NCOA5: variants seen among roughly 807,000 people sequenced by gnomAD.
NCOA5 encodes NCoA-5.
NCOA5 carries 12 observed loss-of-function variants against 59.0 expected under a neutral mutation model. The observed-to-expected ratio is 0.20, with a 90% CI of 0.13 to 0.33. The LOEUF (loss-of-function observed/expected upper bound fraction) is 0.33, where lower values mean the gene tolerates loss of function less well. Ranked by LOEUF, NCOA5 falls within the 10% of genes least tolerant of loss-of-function variation. The pLI is 1.00. For missense variants in NCOA5, 655 were observed against 766.6 expected, an observed-to-expected ratio of 0.85 and a Z score of 1.72; for synonymous variants, 270 against 275.5, an observed-to-expected ratio of 0.98 and a Z score of 0.20.
Position 46,070,352 on chromosome 20 carries a change from T to C in NCOA5, c.223A>G (p.Ser75Gly), listed in dbSNP as rs111437221. 8 of 1,613,796 alleles carry C rather than the reference T, an allele frequency of 5.0e-6. No individual in the cohort carries two copies. The highest frequency in any genetic ancestry group is 6.8e-6 in the Non-Finnish European group (8 of 1,179,984). ...HSRDLRDHRDSRSVRDVRDVR... is the reference protein window; with the variant it reads ...HSRDLRDHRDGRSVRDVRDVR... Reference sequence around the variant, plus strand: ...TCCCGAACGTCGCGCACACTCCTGCTGTCTCTGTGATCCCGCAAATCTCTA... The same window carrying C: ...TCCCGAACGTCGCGCACACTCCTGCCGTCTCTGTGATCCCGCAAATCTCTA... The change falls in exon 3 of 8, where the codon AGC (serine) becomes GGC (glycine). Residue 75 changes from serine to glycine, a missense_variant. Transcript: ENST00000290231.
chr20:46,062,135 A>G lies in NCOA5; in HGVS notation c.*165T>C, dbSNP rs567405728. 3 of 591,478 alleles carry G rather than the reference A, an allele frequency of 5.1e-6. No individual in the cohort carries two copies. In the South Asian group the frequency reaches 7.1e-5, roughly 14 times the overall value. The allele number at this position is 591,478 out of a possible 1,614,324, so 36.6% of individuals were successfully genotyped here. Reference sequence around the variant, plus strand: ...ATGCAGTATAAACTTTGTAAGGAATAAGCAACACAGCCTTGGGCAGAAGAG... The same window carrying G: ...ATGCAGTATAAACTTTGTAAGGAATGAGCAACACAGCCTTGGGCAGAAGAG... On this transcript the variant is annotated 3_prime_UTR_variant, in exon 8 of 8. Transcript: ENST00000290231.
Position 46,069,660 on chromosome 20 carries a change from G to A in NCOA5, c.365+550C>T, listed in dbSNP as rs907960972. Among the ~76,000 whole-genome samples, 7 of 152,166 alleles carry A rather than the reference G, an allele frequency of 4.6e-5. No homozygotes were observed. The East Asian group carries it at 5.8e-4, about 13-fold the overall frequency. ...GTGGGAGAAGTACTTAAGCCTGGGAGGTCAAGGCTGCAGTGAGCTGTGATC... is the reference window on the plus strand; with the variant it reads ...GTGGGAGAAGTACTTAAGCCTGGGAAGTCAAGGCTGCAGTGAGCTGTGATC... On this transcript the variant is annotated intron_variant, in intron 3 of 7. Transcript: ENST00000290231.
chr20:46,081,221 A>G (rs896600805), intron 1 of NCOA5, among the ~76,000 whole-genome samples: 1 of 152,142 alleles, frequency 6.6e-6, no homozygotes, highest in Non-Finnish European at 1.5e-5. Flanking sequence ...AAGGAAACTC[A>G]CATCTAAACA....
intron 7 of NCOA5, 83 bp downstream of exon 7, chr20:46,063,277 G>A: frequency 7.0e-7 from 1 of 1,435,900 alleles, no homozygotes; most frequent in Non-Finnish European, 9.4e-7. Flanking sequence ...AAAGAGCCCT[G>A]GGCCTGACAC....
At chr20:46,084,156 A>G (rs963195848) in intron 1 of NCOA5, among the ~76,000 whole-genome samples, 2 of 152,170 alleles carry the variant, frequency 1.3e-5, no homozygotes, top group Non-Finnish European at 2.9e-5. Flanking sequence ...ATCCTTTTAC[A>G]ACTCTTGGAA....
rs747094046 is a variant in NCOA5, at chr20:46,062,294, T to G, written c.*6A>C. ...AGGGGACTGGGGAGAGTTGAAAGAT[T>G]TAGCTTCAGTAATGCCTCTGGTAAG... On this transcript the variant is annotated 3_prime_UTR_variant, in exon 8 of 8. Coordinates refer to ENST00000290231, the MANE Select transcript of NCOA5 (RefSeq NM_020967.3). The G allele has an allele frequency of 6.2e-6, 10 of 1,607,312 alleles. No individual in the cohort carries two copies. In the East Asian group the frequency reaches 2.2e-4, roughly 36 times the overall value.
At position 46,076,616 on chromosome 20, in the gene NCOA5, G is replaced by A. The variant is rs546983364; in HGVS notation, c.38+2771C>T. On this transcript the variant is annotated intron_variant, in intron 2 of 7. Coordinates refer to ENST00000290231, the MANE Select transcript of NCOA5 (RefSeq NM_020967.3). Reference sequence around the variant, plus strand: ...ACTGGGACTCTTAGTTCGGTTTTTAGATGGGGTTACTAATGGTGACCATCA... The same window carrying A: ...ACTGGGACTCTTAGTTCGGTTTTTAAATGGGGTTACTAATGGTGACCATCA... 9.1e-4 allele frequency among the ~76,000 whole-genome samples: 137 copies of A among 150,696 alleles called. 1 individual carries two copies. In the East Asian group the frequency reaches 9.6e-3, roughly 11 times the overall value.
Position 46,062,388 on chromosome 20 carries a change from C to T in NCOA5, c.1652G>A (p.Gly551Asp), listed in dbSNP as rs898125667. 2 of 1,614,024 alleles carry T rather than the reference C, an allele frequency of 1.2e-6. No homozygotes were observed. Among genetic ancestry groups the T allele is most frequent in the Non-Finnish European group, 1.7e-6 (2 of 1,180,026 alleles). Residue 551 changes from glycine (G) to aspartate (D), a missense_variant, in exon 8 of 8, where the codon GGC becomes GAC. Transcript: ENST00000290231. ...QKALDTLIQSGPALSHLVSQT... is the reference protein window; with the variant it reads ...QKALDTLIQSDPALSHLVSQT... Reference sequence around the variant, plus strand: ...GCTAACCAGGTGGGAGAGAGCAGGGCCACTCTGGATCAGGGTATCCAGAGC... The same window carrying T: ...GCTAACCAGGTGGGAGAGAGCAGGGTCACTCTGGATCAGGGTATCCAGAGC...
Position 46,062,223 on chromosome 20 carries a change from A to T in NCOA5, c.*77T>A, listed in dbSNP as rs914539126. The T allele has an allele frequency of 2.7e-5, 32 of 1,167,726 alleles. No homozygotes were observed. Among genetic ancestry groups the T allele is most frequent in the Non-Finnish European group, 3.5e-5 (29 of 831,518 alleles). The allele number at this position is 1,167,726 out of a possible 1,614,324, so 72.3% of individuals were successfully genotyped here. A position where few individuals can be genotyped will look rare whatever the true frequency, so the allele number is the denominator to read the frequency against. ...CCTGGGAGCGCAGAGAACATCCTCC[A>T]AACAGCTCTATTTAGAACAAGTAAG... On this transcript the variant is annotated 3_prime_UTR_variant, in exon 8 of 8. Transcript: ENST00000290231.
At chr20:46,085,699 AAGAG>A (rs1187762504) in intron 1 of NCOA5, among the ~76,000 whole-genome samples, 1 of 152,176 alleles carries the variant, frequency 6.6e-6, no homozygotes, top group Non-Finnish European at 1.5e-5. Context: ...GGAGGAATAA[AAGAG>A]AGAGGAATAA....
chr20:46,088,901 G>A (rs531263016), intron 1 of NCOA5, among the ~76,000 whole-genome samples: 22 of 152,288 alleles, frequency 1.4e-4, no homozygotes, highest in African/African-American at 5.1e-4. Flanking sequence ...TCAACAGACA[G>A]ATATTTATTT....
chr20:46,063,706 T>G (rs759025593), intron 6 of NCOA5, 26 bp from the exon 7 acceptor site: 29 of 1,600,054 alleles, frequency 1.8e-5, no homozygotes, highest in Non-Finnish European at 2.3e-5. Context: ...ACATGAGTTA[T>G]TTTCTTCCAT....
chr20:46,070,412 G>T lies in NCOA5; in HGVS notation c.163C>A (p.Arg55=). The stretch of plus-strand genomic sequence containing the variant: ...TGGTCCCGCAAGTCTCGGGGGTCTC[G>T]AATGTCTCTGCTGTCCCGGGCATCC... ...GRDARDSRDI[R]DPRDLRDHRH... is the part of the protein sequence containing the mutation. The change falls in exon 3 of 8, where the codon CGA becomes AGA. Residue 55 remains arginine, a synonymous_variant. Coordinates refer to ENST00000290231, the MANE Select transcript of NCOA5 (RefSeq NM_020967.3). 1 of 1,613,548 alleles carries T rather than the reference G, an allele frequency of 6.2e-7. No homozygotes were observed. Among genetic ancestry groups the T allele is most frequent in the African/African-American group, 1.3e-5 (1 of 74,824 alleles).
In NCOA5 at chr20:46,062,505, G is replaced by T; in HGVS notation, c.1535C>A (p.Pro512His). 6.2e-7 allele frequency: 1 copy of T among 1,614,186 alleles called. No homozygotes were observed. Among genetic ancestry groups the T allele is most frequent in the East Asian group, 2.2e-5 (1 of 44,874 alleles). The change falls in exon 8 of 8, where the codon CCT becomes CAT. Residue 512 changes from proline (P) to histidine (H), a missense_variant. This residue lies in a region of NCOA5 where 325 missense variants were observed against 353.2 expected (regional missense o/e 0.92). Coordinates refer to ENST00000290231, the MANE Select transcript of NCOA5 (RefSeq NM_020967.3). ...GCTAGCAGGTGCCAGGCGACTGGAAGGCTGGCCAAAAAGCCCTTGGGAAGG... is the reference window on the plus strand; with the variant it reads ...GCTAGCAGGTGCCAGGCGACTGGAATGCTGGCCAAAAAGCCCTTGGGAAGG... Reference protein sequence around the residue: ...GAPSQGLFGQPSSRLAPASNM... With the variant: ...GAPSQGLFGQHSSRLAPASNM...
intron 1 of NCOA5, among the ~76,000 whole-genome samples, chr20:46,083,940 CT>C (rs1462208275): frequency 6.6e-6 from 1 of 152,208 alleles, no homozygotes; most frequent in Non-Finnish European, 1.5e-5. Flanking sequence ...TAAATCAACC[CT>C]TTAAGTTCAC....
intron 1 of NCOA5, among the ~76,000 whole-genome samples, chr20:46,083,293 G>GCC (rs2085011790): frequency 6.6e-6 from 1 of 152,098 alleles, no homozygotes; most frequent in Admixed American, 6.5e-5. Context: ...CCACAAATAG[G>GCC]CCAGTTTTAG....
intron 1 of NCOA5, among the ~76,000 whole-genome samples, chr20:46,085,284 C>T (rs546232788): frequency 3.7e-4 from 57 of 152,194 alleles, no homozygotes; most frequent in South Asian, 2.3e-3. Context: ...ACCTCAGCCC[C>T]GCAAAGTGTT....
chr20:46,067,730 C>A (rs1288691495), intron 4 of NCOA5, among the ~76,000 whole-genome samples: 3 of 151,788 alleles, frequency 2.0e-5, no homozygotes, highest in Non-Finnish European at 1.5e-5. Context: ...AATTTAAGAA[C>A]CTTTAAAGAT....
chr20:46,063,301 C>T, intron 7 of NCOA5, 59 bp downstream of exon 7: 1 of 1,546,750 alleles, frequency 6.5e-7, no homozygotes. Context: ...CCCAACAGAG[C>T]CTGGGGATTA....
Sources: gnomAD v4.1 joint callset for allele counts (sites outside exome capture counted in the v4.1 genomes callset) on GRCh38, gnomAD v4.1.1 for gene constraint, gnomAD v4.1.1 regional missense constraint, MANE v1.5 for transcripts, NCBI Gene and HGNC (gene_info 2026-07-23, HGNC 2026-07-21) for gene names.